KCTD1: variants seen among roughly 807,000 people sequenced by gnomAD.
KCTD1 encodes the protein potassium channel tetramerization domain containing 1, also known as BTB/POZ domain-containing protein KCTD1.
A neutral mutation model predicts 66.0 loss-of-function variants in KCTD1; 24 were observed. That is an observed-to-expected ratio of 0.36 (90% CI 0.26 to 0.51). The LOEUF (loss-of-function observed/expected upper bound fraction) is 0.51. KCTD1 is among the 20% of genes least tolerant of loss of function. The probability of loss-of-function intolerance (pLI) is 0.95; values close to 1 mark genes in which losing one functional copy is unlikely to be tolerated. For synonymous variants in KCTD1, 511 were observed against 517.2 expected (o/e 0.99, Z 0.16); for missense variants, 943 against 1,205.2 (o/e 0.78, Z 3.22).
At chr18:26,615,056 A>G (rs1017677930) in intron 1 of KCTD1, among the ~76,000 whole-genome samples, 1 of 152,248 alleles carries the variant, frequency 6.6e-6, no homozygotes, top group African/African-American at 2.4e-5. Flanking sequence ...AATTCCATGC[A>G]ATCAGTAGAA....
chr18:26,630,702 G>A (rs1167171749), upstream of KCTD1, among the ~76,000 whole-genome samples: 1 of 152,216 alleles, frequency 6.6e-6, no homozygotes, highest in Non-Finnish European at 1.5e-5. Context: ...TGCACACTGT[G>A]CTATGAAGAT....
chr18:26,455,924 T>C, intron 4 of KCTD1, 23 bp from the exon 5 acceptor site: 2 of 1,609,174 alleles, frequency 1.2e-6, no homozygotes, highest in South Asian at 1.1e-5. Flanking sequence ...AAGACAAGCA[T>C]CCAGTTAGGG....
chr18:26,486,345 C>G (rs1267856334), intron 2 of KCTD1, among the ~76,000 whole-genome samples: 2 of 152,236 alleles, frequency 1.3e-5, no homozygotes, highest in Non-Finnish European at 2.9e-5. Context: ...TGAGGGCCAG[C>G]ACATGCTCGA....
At chr18:26,523,175 G>T (rs1212216971) in intron 1 of KCTD1, among the ~76,000 whole-genome samples, 1 of 152,118 alleles carries the variant, frequency 6.6e-6, no homozygotes, top group Non-Finnish European at 1.5e-5. Context: ...GACGATTAAC[G>T]ATCAAGTAGA....
At chr18:26,494,387 G>A (rs1379102517) in intron 2 of KCTD1, among the ~76,000 whole-genome samples, 1 of 152,008 alleles carries the variant, frequency 6.6e-6, no homozygotes, top group African/African-American at 2.4e-5. Context: ...CAATCAAACA[G>A]GACAAAACAA....
At chr18:26,504,832 A>G (rs1187243537) in intron 1 of KCTD1, among the ~76,000 whole-genome samples, 1 of 152,232 alleles carries the variant, frequency 6.6e-6, no homozygotes, top group Admixed American at 6.5e-5. Flanking sequence ...TTCCTTGGCC[A>G]GTAGCTGGAG....
In KCTD1 at chr18:26,535,111, G is replaced by GTT. The variant is rs11376459; in HGVS notation, c.1809+11616_1809+11617insAA. ...ATGGAGGGAAAGGCCTGGGGTTGGGGGGTGGGGGTGGAGCTGCCATCCTGT... is the reference window on the plus strand; with the variant it reads ...ATGGAGGGAAAGGCCTGGGGTTGGGGTTGGTGGGGGTGGAGCTGCCATCCTGT... On this transcript the variant is annotated intron_variant, in intron 1 of 4. Transcript: ENST00000580059. Among the ~76,000 whole-genome samples the GTT allele has an allele frequency of 9.2e-4, 103 of 112,154 alleles. 3 individuals are homozygous for GTT. In the East Asian group the frequency reaches 0.023, roughly 25 times the overall value. 73.6% of individuals were successfully genotyped at this position (112,154 alleles called of 152,430 possible).
intron 3 of KCTD1, among the ~76,000 whole-genome samples, chr18:26,465,485 G>A (rs1980677440): frequency 6.6e-6 from 1 of 152,100 alleles, no homozygotes; most frequent in Non-Finnish European, 1.5e-5. Context: ...CCTCATCCAG[G>A]GGCACTGACT....
At chr18:26,576,716 A>G (rs1472689368) in intron 1 of KCTD1, among the ~76,000 whole-genome samples, 1 of 152,238 alleles carries the variant, frequency 6.6e-6, no homozygotes, top group African/African-American at 2.4e-5. Context: ...AAACAAGGTT[A>G]TATTTTAGGA....
At chr18:26,487,125 AG>A (rs1981960150) in intron 2 of KCTD1, among the ~76,000 whole-genome samples, 1 of 152,208 alleles carries the variant, frequency 6.6e-6, no homozygotes, top group East Asian at 1.9e-4. Flanking sequence ...TGATGGTATC[AG>A]TCAACGGAAT....
At chr18:26,500,990 T>C (rs1982730166) in intron 2 of KCTD1, 82 bp downstream of exon 2, 1 of 1,483,528 alleles carries the variant, frequency 6.7e-7, no homozygotes, top group East Asian at 2.3e-5. Context: ...TCCACGAGGC[T>C]ACACTGCTAT....
intron 1 of KCTD1, among the ~76,000 whole-genome samples, chr18:26,559,864 G>A (rs894818408): frequency 6.6e-6 from 1 of 152,136 alleles, no homozygotes; most frequent in African/African-American, 2.4e-5. Context: ...CGAAAGCAGC[G>A]ACCTTCTGCT....
At chr18:26,525,876 T>C (rs1441271514) in intron 1 of KCTD1, among the ~76,000 whole-genome samples, 1 of 152,134 alleles carries the variant, frequency 6.6e-6, no homozygotes, top group Admixed American at 6.6e-5. Flanking sequence ...CATGAGCCAC[T>C]GTGCTCAGCA....
chr18:26,466,235 G>A (rs1980726880), intron 3 of KCTD1, among the ~76,000 whole-genome samples: 2 of 152,228 alleles, frequency 1.3e-5, no homozygotes, highest in African/African-American at 4.8e-5. Flanking sequence ...GAGCCAATCA[G>A]ATGGTGTCTC....
At chr18:26,606,314 C>T (rs531754865) in intron 1 of KCTD1, among the ~76,000 whole-genome samples, 1 of 152,292 alleles carries the variant, frequency 6.6e-6, no homozygotes, top group East Asian at 1.9e-4. Context: ...CTGACTGCCC[C>T]TTCCCATCAT....
intron 1 of KCTD1, among the ~76,000 whole-genome samples, chr18:26,613,404 C>T (rs7230738): frequency 0.017 from 2,607 of 152,242 alleles, 74 homozygotes; most frequent in African/African-American, 0.058. Context: ...AAATGAACAG[C>T]CTGTCACTGC....
chr18:26,573,081 G>A (rs1261435717), intron 1 of KCTD1, among the ~76,000 whole-genome samples: 1 of 151,656 alleles, frequency 6.6e-6, no homozygotes, highest in Non-Finnish European at 1.5e-5. Context: ...GAGTGCAATG[G>A]CAATAACCCC....
chr18:26,649,757 C>G (rs62085532), intron 1 of KCTD1, among the ~76,000 whole-genome samples: 6,957 of 152,218 alleles, frequency 0.046, 211 homozygotes, highest in South Asian at 0.075. Context: ...ATCCACCTGC[C>G]TCGGCCTCCC....
intron 1 of KCTD1, among the ~76,000 whole-genome samples, chr18:26,636,749 A>C (rs947380088): frequency 1.3e-5 from 2 of 152,154 alleles, no homozygotes; most frequent in African/African-American, 4.8e-5. Context: ...GAGCGGCTTG[A>C]GCTGCCAGAA....
Sources: allele counts gnomAD v4.1 joint callset (sites outside exome capture counted in the v4.1 genomes callset), GRCh38; gene constraint gnomAD v4.1.1; transcripts MANE v1.5; gene names NCBI Gene and HGNC (gene_info 2026-07-23, HGNC 2026-07-21).